MYO6: variants seen among roughly 807,000 people sequenced by gnomAD.
MYO6 encodes myosin VI, also known as unconventional myosin-VI.
A neutral mutation model predicts 178.7 loss-of-function variants in MYO6; 74 were observed. That is an observed-to-expected ratio of 0.41 (90% CI 0.34 to 0.50). The LOEUF is 0.50. Ranked by LOEUF, MYO6 falls within the 20% of genes least tolerant of loss-of-function variation. MYO6 has a pLI of 0.09. For synonymous variants in MYO6, 477 were observed against 504.6 expected (o/e 0.95, Z 0.73); for missense variants, 1,330 against 1,547.4 (o/e 0.86, Z 2.36).
Position 75,787,714 on chromosome 6 carries a change from CTCTCTCTCTCTCTCTCTATA to C in MYO6, c.-47-29785_-47-29766del, listed in dbSNP as rs1324183554. Among the ~76,000 whole-genome samples the C allele has an allele frequency of 1.1e-3, 69 of 61,470 alleles. 1 individual carries two copies. Among genetic ancestry groups the C allele is most frequent in the African/African-American group, 2.6e-3 (41 of 16,062 alleles). The allele number at this position is 61,470 out of a possible 152,430, so 40.3% of individuals were successfully genotyped here. On this transcript the variant is annotated intron_variant, in intron 1 of 34. Transcript: ENST00000369977. ...TCTCTCTCTCTCTCTCTCTCTCTCT[CTCTCTCTCTCTCTCTCTATA>C]TATATATATATATATATATATATAT... is the stretch of plus-strand genomic sequence containing the variant.
At chr6:75,841,526 A>G (rs1774225678) in intron 9 of MYO6, 148 bp downstream of exon 9, 3 of 668,098 alleles carry the variant, frequency 4.5e-6, no homozygotes, top group Admixed American at 3.1e-5. Flanking sequence ...CTGTCTCTAA[A>G]AAAAAAAAAT....
intron 16 of MYO6, among the ~76,000 whole-genome samples, chr6:75,865,535 G>C (rs1776590434): frequency 6.6e-6 from 1 of 150,708 alleles, no homozygotes; most frequent in Non-Finnish European, 1.5e-5. Flanking sequence ...GGCTAATTTT[G>C]CATATTTTTT....
chr6:75,862,774 A>T (rs930325730), intron 16 of MYO6, 51 bp downstream of exon 16: 1 of 1,591,594 alleles, frequency 6.3e-7, no homozygotes, highest in African/African-American at 1.3e-5. Context: ...AGACATTATT[A>T]AAAAGGTGCA....
intron 7 of MYO6, among the ~76,000 whole-genome samples, chr6:75,838,044 T>C (rs1388654454): frequency 6.8e-6 from 1 of 147,864 alleles, no homozygotes; most frequent in Non-Finnish European, 1.5e-5. Context: ...TCCAAGTGCT[T>C]CTATAGCTTC....
intron 1 of MYO6, among the ~76,000 whole-genome samples, chr6:75,762,770 A>G (rs185041751): frequency 6.6e-6 from 1 of 152,188 alleles, no homozygotes; most frequent in Admixed American, 6.5e-5. Context: ...TGTCTTTTAA[A>G]CCTCTTAACA....
At chr6:75,769,882 A>G (rs1207166470) in intron 1 of MYO6, among the ~76,000 whole-genome samples, 1 of 152,098 alleles carries the variant, frequency 6.6e-6, no homozygotes, top group Non-Finnish European at 1.5e-5. Context: ...CCTGGGCTAC[A>G]CGGTGAGACT....
At chr6:75,873,328 G>A (rs751119199) in intron 20 of MYO6, 28 bp downstream of exon 20, 2 of 1,495,258 alleles carry the variant, frequency 1.3e-6, no homozygotes, top group Non-Finnish European at 1.9e-6. Flanking sequence ...GTCAGTGTGT[G>A]TTAGTAGTCA....
intron 1 of MYO6, among the ~76,000 whole-genome samples, chr6:75,765,149 GGCTATGACTAAAAAAAAAA>G: frequency 6.8e-6 from 1 of 147,960 alleles, no homozygotes; most frequent in Non-Finnish European, 1.5e-5. Flanking sequence ...TCACATATAA[GGCTATGACTAAAAAAAAAA>G]GCTTTTTTTT....
chr6:75,750,636 C>A (rs1423231864), intron 1 of MYO6, among the ~76,000 whole-genome samples: 1 of 150,068 alleles, frequency 6.7e-6, no homozygotes, highest in Non-Finnish European at 1.5e-5. Context: ...TGAGACAGAG[C>A]CTCGCTCTGT....
intron 1 of MYO6, among the ~76,000 whole-genome samples, chr6:75,795,092 C>G (rs916446165): frequency 6.6e-6 from 1 of 152,132 alleles, no homozygotes; most frequent in South Asian, 2.1e-4. Context: ...TAACTGAGTA[C>G]TTGAACTACT....
intron 1 of MYO6, among the ~76,000 whole-genome samples, chr6:75,801,663 G>T (rs1219841627): frequency 1.3e-5 from 2 of 152,086 alleles, no homozygotes. Flanking sequence ...TTTGAGGGCT[G>T]GGCACAGTGG....
intron 20 of MYO6, among the ~76,000 whole-genome samples, chr6:75,876,439 A>T (rs1777574557): frequency 6.6e-6 from 1 of 152,212 alleles, no homozygotes; most frequent in African/African-American, 2.4e-5. Flanking sequence ...GACTAATGCT[A>T]ACAAATACTG....
At position 75,858,003 on chromosome 6, in the gene MYO6, T is replaced by G. The variant is rs187121648; in HGVS notation, c.1381+749T>G. 2.4e-3 allele frequency among the ~76,000 whole-genome samples: 372 copies of G among 152,284 alleles called. 1 individual carries two copies. Among genetic ancestry groups the G allele is most frequent in the African/African-American group, 8.4e-3 (348 of 41,570 alleles). ...TTGGGGAGGGATGGAGTTTTGCTTT[T>G]GATGTAATACGTATTTTAAACTTTA... On this transcript the variant is annotated intron_variant, in intron 13 of 34. Transcript: ENST00000369977.
At chr6:75,878,238 C>T (rs1012179184) in intron 20 of MYO6, among the ~76,000 whole-genome samples, 1 of 140,820 alleles carries the variant, frequency 7.1e-6, no homozygotes, top group Admixed American at 7.0e-5. Flanking sequence ...AGATTAAGCT[C>T]TGCTTTATTC....
chr6:75,862,831 G>T, intron 16 of MYO6, 108 bp downstream of exon 16: 2 of 1,279,198 alleles, frequency 1.6e-6, no homozygotes, highest in South Asian at 1.2e-5. Flanking sequence ...ATTATGGCGT[G>T]TATAGAGCAA....
intron 1 of MYO6, among the ~76,000 whole-genome samples, chr6:75,765,715 T>A (rs1201217611): frequency 2.0e-5 from 3 of 152,014 alleles, no homozygotes; most frequent in African/African-American, 7.2e-5. Flanking sequence ...GCCACTGCAC[T>A]GATACAGCAA....
chr6:75,797,535 AGTTTTTATTTTTTTTT>A (rs1431248873), intron 1 of MYO6, among the ~76,000 whole-genome samples: 1 of 149,938 alleles, frequency 6.7e-6, no homozygotes, highest in African/African-American at 2.5e-5. Flanking sequence ...ATTTTTTTTT[AGTTTTTATTTTTTTTT>A]GAGACTAAGT....
chr6:75,854,874 T>C (rs1775599594), intron 11 of MYO6, among the ~76,000 whole-genome samples: 2 of 152,034 alleles, frequency 1.3e-5, no homozygotes, highest in South Asian at 4.2e-4. Flanking sequence ...GCTTATAGGG[T>C]CAAAAAAAAT....
At chr6:75,907,174 C>T (rs1581991408) in intron 30 of MYO6, among the ~76,000 whole-genome samples, 2 of 152,246 alleles carry the variant, frequency 1.3e-5, no homozygotes, top group Middle Eastern at 3.4e-3. Context: ...TCCAGGTGAT[C>T]GCACTGTGCA....
Sources: gnomAD v4.1 joint callset for allele counts (sites outside exome capture counted in the v4.1 genomes callset) on GRCh38, gnomAD v4.1.1 for gene constraint, MANE v1.5 for transcripts, NCBI Gene and HGNC (gene_info 2026-07-23, HGNC 2026-07-21) for gene names.